KIAA1217: variants seen among roughly 807,000 people sequenced by gnomAD.
KIAA1217 encodes the protein KIAA1217, also known as sickle tail protein homolog.
In KIAA1217, 88 loss-of-function variants were observed where a neutral mutation model predicts 163.9. That is an observed-to-expected ratio of 0.54 (90% CI 0.45 to 0.64). The LOEUF (loss-of-function observed/expected upper bound fraction) is 0.64. Among genes scored for constraint, KIAA1217 ranks in the 30% least tolerant of loss-of-function variants. The pLI, the probability that KIAA1217 is intolerant of heterozygous loss-of-function variation, is 0.00. For missense variants in KIAA1217, 2,372 were observed against 2,475.0 expected, an observed-to-expected ratio of 0.96 and a Z score of 0.88; for synonymous variants, 903 against 923.1, an observed-to-expected ratio of 0.98 and a Z score of 0.39.
At chr10:23,866,914 A>G (rs907348568) in intron 1 of KIAA1217, among the ~76,000 whole-genome samples, 10 of 151,422 alleles carry the variant, frequency 6.6e-5, no homozygotes, top group Non-Finnish European at 1.2e-4. Flanking sequence ...TTAGTTACAT[A>G]TGTATACATG....
Position 23,826,907 on chromosome 10 carries a change from T to A in KIAA1217, c.-321+131673T>A, listed in dbSNP as rs1837925522. Among the ~76,000 whole-genome samples, 3 of 152,202 alleles carry A rather than the reference T, an allele frequency of 2.0e-5. No individual in the cohort carries two copies. In the South Asian group the frequency reaches 6.2e-4, roughly 32 times the overall value. The stretch of plus-strand genomic sequence containing the variant: ...GAGAGTCAAGTCCCCTATAGTGATA[T>A]CTTCACTCATTCATTCCATAAAATT... On this transcript the variant is annotated intron_variant, in intron 1 of 18. Coordinates refer to the KIAA1217 transcript ENST00000376462.
intron 2 of KIAA1217, among the ~76,000 whole-genome samples, chr10:24,061,004 G>A (rs1414850703): frequency 6.6e-6 from 1 of 152,094 alleles, no homozygotes; most frequent in African/African-American, 2.4e-5. Flanking sequence ...TTTCTGTCTG[G>A]TTGTTCTATT....
chr10:23,717,796 G>T (rs1350748574), intron 1 of KIAA1217, among the ~76,000 whole-genome samples: 1 of 152,008 alleles, frequency 6.6e-6, no homozygotes, highest in Non-Finnish European at 1.5e-5. Context: ...AAACGAAGAT[G>T]AAAAAACTAT....
chr10:24,520,671 T>C (rs1318597592), intron 11 of KIAA1217, among the ~76,000 whole-genome samples: 2,166 of 59,148 alleles, frequency 0.037, 33 homozygotes, highest in Admixed American at 0.045. Context: ...TATATATATA[T>C]ATATACACAC....
At chr10:23,947,949 C>A (rs1844130500) in intron 1 of KIAA1217, among the ~76,000 whole-genome samples, 1 of 152,186 alleles carries the variant, frequency 6.6e-6, no homozygotes, top group African/African-American at 2.4e-5. Flanking sequence ...CAGGTCCTTC[C>A]AATATTGGTC....
intron 2 of KIAA1217, among the ~76,000 whole-genome samples, chr10:24,309,549 C>T (rs1446769889): frequency 6.6e-6 from 1 of 152,154 alleles, no homozygotes; most frequent in Non-Finnish European, 1.5e-5. Flanking sequence ...CTGCGTCATA[C>T]CCTTTTACAT....
chr10:23,780,126 C>T (rs6482347), intron 1 of KIAA1217, among the ~76,000 whole-genome samples: 50,003 of 152,088 alleles, frequency 0.33, 10,216 homozygotes, highest in African/African-American at 0.58. Flanking sequence ...TCCTCACTTA[C>T]GTAACCAAGT....
intron 3 of KIAA1217, among the ~76,000 whole-genome samples, chr10:24,397,275 A>T (rs1252606056): frequency 1.3e-5 from 2 of 152,038 alleles, no homozygotes; most frequent in Admixed American, 6.5e-5. Flanking sequence ...TTTTTAATAG[A>T]GACAGGATTT....
chr10:24,101,575 G>A (rs2062417280), intron 2 of KIAA1217, among the ~76,000 whole-genome samples: 2 of 152,108 alleles, frequency 1.3e-5, no homozygotes, highest in Admixed American at 6.6e-5. Context: ...CTATACTTGG[G>A]AGCTAATAAT....
chr10:23,990,645 G>A, intron 1 of KIAA1217, among the ~76,000 whole-genome samples: 1 of 151,864 alleles, frequency 6.6e-6, no homozygotes, highest in East Asian at 1.9e-4. Flanking sequence ...TTTCAAAGTA[G>A]GCATATCTGT....
intron 1 of KIAA1217, among the ~76,000 whole-genome samples, chr10:23,979,504 G>T (rs930540124): frequency 7.9e-5 from 12 of 152,118 alleles, no homozygotes; most frequent in Admixed American, 5.2e-4. Context: ...AAAGTTTTGT[G>T]TATGTCATTC....
At chr10:24,356,495 G>C (rs2049126256) in intron 2 of KIAA1217, among the ~76,000 whole-genome samples, 1 of 152,162 alleles carries the variant, frequency 6.6e-6, no homozygotes, top group Non-Finnish European at 1.5e-5. Context: ...GTGTGGCCAA[G>C]GATGTTAGGA....
Position 24,544,211 on chromosome 10 carries a change from G to C in KIAA1217, c.4941G>C (p.Glu1647Asp). ...GGAGGCAAGAGCAGCCCAGCATCGA[G>C]AGTACATCTCCGATTTCAAGAACTG... ...TVRRQEQPSIESTSPISRTDE... is the reference protein window; with the variant it reads ...TVRRQEQPSIDSTSPISRTDE... The change falls in exon 19 of 21, where the codon GAG becomes GAC. Residue 1647 changes from glutamate to aspartate, a missense_variant. Glu to Asp is a conservative substitution (Grantham distance 45, BLOSUM62 2). Coordinates refer to ENST00000376454, the MANE Select transcript of KIAA1217 (RefSeq NM_019590.5). 2 of 1,614,106 alleles carry C rather than the reference G, an allele frequency of 1.2e-6. No homozygotes were observed. The highest frequency in any genetic ancestry group is 1.3e-5 in the African/African-American group (1 of 75,020).
chr10:24,049,750 T>C (rs1481014119), intron 2 of KIAA1217, among the ~76,000 whole-genome samples: 1 of 152,204 alleles, frequency 6.6e-6, no homozygotes, highest in African/African-American at 2.4e-5. Context: ...CTATTCTAAA[T>C]AGTGCTGCAG....
intron 2 of KIAA1217, among the ~76,000 whole-genome samples, chr10:24,170,226 CT>C (rs528893508): frequency 1.3e-5 from 2 of 152,284 alleles, no homozygotes; most frequent in Non-Finnish European, 2.9e-5. Flanking sequence ...GCACTGGTTG[CT>C]TTTTGCCGGG....
At chr10:24,316,943 T>G (rs2043458854) in intron 2 of KIAA1217, among the ~76,000 whole-genome samples, 1 of 152,160 alleles carries the variant, frequency 6.6e-6, no homozygotes, top group Non-Finnish European at 1.5e-5. Context: ...ACGCTCAGTG[T>G]GTGGTCTTTT....
intron 2 of KIAA1217, among the ~76,000 whole-genome samples, chr10:24,161,016 G>A (rs926124099): frequency 1.3e-5 from 2 of 152,138 alleles, no homozygotes; most frequent in Non-Finnish European, 2.9e-5. Context: ...TTGACTTTTA[G>A]TTTCCTACCT....
intron 2 of KIAA1217, among the ~76,000 whole-genome samples, chr10:24,316,362 A>T (rs1411557197): frequency 3.3e-5 from 5 of 152,192 alleles, no homozygotes; most frequent in Admixed American, 2.6e-4. Flanking sequence ...AGGATGTGTG[A>T]CTTTCAATTT....
intron 2 of KIAA1217, among the ~76,000 whole-genome samples, chr10:24,323,547 G>A (rs1410882982): frequency 1.3e-5 from 2 of 152,188 alleles, no homozygotes; most frequent in African/African-American, 4.8e-5. Flanking sequence ...TTCATTTTGA[G>A]TGACCTTTAC....
Sources: allele counts gnomAD v4.1 joint callset (sites outside exome capture counted in the v4.1 genomes callset), GRCh38; gene constraint gnomAD v4.1.1; transcripts MANE v1.5; gene names NCBI Gene and HGNC (gene_info 2026-07-23, HGNC 2026-07-21).